The following VAV2 variants were observed in gnomAD, a reference collection of about 807,000 sequenced individuals.
The protein encoded by VAV2 is vav guanine nucleotide exchange factor 2.
VAV2 carries 67 observed loss-of-function variants against 132.5 expected under a neutral mutation model. The ratio of observed to expected loss-of-function variants is 0.51; its 90% CI spans 0.42 to 0.62. The LOEUF is 0.62. VAV2 is among the 20% of genes least tolerant of loss of function. The probability of loss-of-function intolerance (pLI) is 0.00; values close to 1 mark genes in which losing one functional copy is unlikely to be tolerated. For missense variants in VAV2, 938 were observed against 1,153.6 expected, an observed-to-expected ratio of 0.81 and a Z score of 2.71; for synonymous variants, 492 against 443.5, an observed-to-expected ratio of 1.11 and a Z score of -1.37.
chr9:133,769,383 C>A lies in VAV2; in HGVS notation c.2434+34G>T, dbSNP rs745621929. 16 of 1,585,308 alleles carry A rather than the reference C, an allele frequency of 1.0e-5. 1 individual carries two copies. The South Asian group carries it at 1.7e-4, about 17-fold the overall frequency. ...GGTCTCCCAAGGCAGCTGCCACAGG[C>A]CCGGTCCCCCCACGCCCTGGGGAGC... is the stretch of plus-strand genomic sequence containing the variant. On this transcript the variant is annotated intron_variant, in intron 28 of 29. Transcript: ENST00000371850. The surrounding 1 kb of genome is among the most constrained non-coding windows in gnomAD (Gnocchi z 8.1).
At position 133,802,323 on chromosome 9, in the gene VAV2, T is replaced by TACACACACACACACACAC. The variant is rs58155949; in HGVS notation, c.836+3740_836+3757dup. 1.2e-3 allele frequency among the ~76,000 whole-genome samples: 165 copies of TACACACACACACACACAC among 142,200 alleles called. 1 individual carries two copies. The highest frequency in any genetic ancestry group is 2.7e-3 in the South Asian group (11 of 4,054). The allele number at this position is 142,200 out of a possible 152,430, so 93.3% of individuals were successfully genotyped here. On this transcript the variant is annotated intron_variant, in intron 9 of 29. Transcript: ENST00000371850. This position sits in a 1 kb window ranked among gnomAD's most constrained non-coding sequence, Gnocchi z 5.8. ...GCACACAAACACACAAGCACGCGTG[T>TACACACACACACACACAC]ACACACACACACACACACACACACA...
rs1293060559 is a variant in VAV2, at chr9:133,840,868, G to T, written c.381-6528C>A. On this transcript the variant is annotated intron_variant, in intron 3 of 29. Coordinates refer to ENST00000371850, the MANE Select transcript of VAV2 (RefSeq NM_001134398.2). The surrounding 1 kb of genome is among the most constrained non-coding windows in gnomAD (Gnocchi z 4.5). Reference sequence around the variant, plus strand: ...TGTGCCACTCACTGTGCCTACAGCTGCATGGTGGCCCCACAGTCCAGAGGG... The same window carrying T: ...TGTGCCACTCACTGTGCCTACAGCTTCATGGTGGCCCCACAGTCCAGAGGG... Among the ~76,000 whole-genome samples, 5 of 152,184 alleles carry T rather than the reference G, an allele frequency of 3.3e-5. No individual in the cohort carries two copies. The highest frequency in any genetic ancestry group is 7.3e-5 in the Non-Finnish European group (5 of 68,030).
At chr9:133,978,852 C>T (rs425850) in intron 1 of VAV2, among the ~76,000 whole-genome samples, 41,374 of 152,204 alleles carry the variant, frequency 0.27, 6,312 homozygotes, top group Middle Eastern at 0.38. Flanking sequence ...AAACAGCGTC[C>T]CCAGCTCCAG....
Position 133,807,244 on chromosome 9 carries a change from GC to G in VAV2, c.735+13del. On this transcript the variant is annotated intron_variant, in intron 8 of 29. Coordinates refer to ENST00000371850, the MANE Select transcript of VAV2 (RefSeq NM_001134398.2). ...CCCGAGCCTGGCATGAGCGATGGGG[GC>G]CGGGACCCTTACCTCCAGGTTAATG... 1 of 1,608,122 alleles carries G rather than the reference GC, an allele frequency of 6.2e-7. No homozygotes were observed. Among genetic ancestry groups the G allele is most frequent in the Non-Finnish European group, 8.5e-7 (1 of 1,178,348 alleles).
chr9:133,905,479 G>A (rs1192675021), intron 2 of VAV2, among the ~76,000 whole-genome samples: 1 of 151,148 alleles, frequency 6.6e-6, no homozygotes. Context: ...CAGCAGCTCT[G>A]GGTCAGGGAG....
intron 2 of VAV2, among the ~76,000 whole-genome samples, chr9:133,875,373 G>C (rs1268141547): frequency 1.3e-5 from 2 of 152,230 alleles, no homozygotes; most frequent in Non-Finnish European, 2.9e-5. Context: ...CAGCTGATGG[G>C]AACAGGCCAC....
At chr9:133,981,525 G>C (rs1053551151) in intron 1 of VAV2, among the ~76,000 whole-genome samples, 1 of 152,232 alleles carries the variant, frequency 6.6e-6, no homozygotes, top group Non-Finnish European at 1.5e-5. Context: ...GTGAGCCGCC[G>C]GGCTCGGGGT....
chr9:133,871,686 G>C (rs917191956), intron 2 of VAV2, among the ~76,000 whole-genome samples: 3 of 152,114 alleles, frequency 2.0e-5, no homozygotes, highest in African/African-American at 7.2e-5. Flanking sequence ...CTAATGGTGG[G>C]GGGTCCCAAC....
At chr9:133,951,669 C>T (rs1288507050) in intron 1 of VAV2, among the ~76,000 whole-genome samples, 1 of 152,160 alleles carries the variant, frequency 6.6e-6, no homozygotes, top group Non-Finnish European at 1.5e-5. Context: ...GTCATACCCA[C>T]AGCAGCTGAC....
rs10538806 is a variant in VAV2, at chr9:133,900,766, G to GATTTATTTATTTATTT, written c.321+38321_321+38336dup. The stretch of plus-strand genomic sequence containing the variant: ...AATTAATCAATCTACCTCCTGTCTT[G>GATTTATTTATTTATTT]ATTTATTTATTTATTTATTTATTTA... On this transcript the variant is annotated intron_variant, in intron 2 of 29. Transcript: ENST00000371850. 1.4e-5 allele frequency among the ~76,000 whole-genome samples: 2 copies of GATTTATTTATTTATTT among 145,488 alleles called. 1 individual carries two copies. The highest frequency in any genetic ancestry group is 5.1e-5 in the African/African-American group (2 of 38,894).
At chr9:133,773,995 G>A (rs147111881) in intron 25 of VAV2, among the ~76,000 whole-genome samples, 22 of 152,084 alleles carry the variant, frequency 1.4e-4, no homozygotes, top group Non-Finnish European at 3.2e-4. Context: ...ATAATCTTAC[G>A]GGACCACCAC....
At chr9:133,864,373 C>A (rs545188083) in intron 2 of VAV2, among the ~76,000 whole-genome samples, 2 of 152,202 alleles carry the variant, frequency 1.3e-5, no homozygotes, top group Non-Finnish European at 2.9e-5. Flanking sequence ...CATTCACCAA[C>A]GTCCAGGCCT....
rs899791748 is a variant in VAV2 at position 133,834,699 on chromosome 9, T to C, written c.381-359A>G. Among the ~76,000 whole-genome samples, 2 of 151,974 alleles carry C rather than the reference T, an allele frequency of 1.3e-5. No homozygotes were observed. The highest frequency in any genetic ancestry group is 3.9e-4 in the East Asian group (2 of 5,176). Reference sequence around the variant, plus strand: ...TACCCACCCTCCCACTTCCAGGGGGTTCACAGTGGAGATGAGGCTCCTCGC... The same window carrying C: ...TACCCACCCTCCCACTTCCAGGGGGCTCACAGTGGAGATGAGGCTCCTCGC... On this transcript the variant is annotated intron_variant, in intron 3 of 29. Transcript: ENST00000371850. This position sits in a 1 kb window ranked among gnomAD's most constrained non-coding sequence, Gnocchi z 5.9.
chr9:133,849,244 G>A (rs1440549859), intron 3 of VAV2, among the ~76,000 whole-genome samples: 1 of 152,186 alleles, frequency 6.6e-6, no homozygotes, highest in Non-Finnish European at 1.5e-5. Context: ...CACTGGGAAG[G>A]AGGAGGCCAC....
intron 2 of VAV2, among the ~76,000 whole-genome samples, chr9:133,878,101 C>A (rs1038354924): frequency 2.0e-5 from 3 of 152,150 alleles, no homozygotes; most frequent in African/African-American, 7.2e-5. Flanking sequence ...GCTCAGCAGG[C>A]GAAGTCTCTT....
At chr9:133,848,279 CAAAAAAAA>C (rs34908811) in intron 3 of VAV2, among the ~76,000 whole-genome samples, 25 of 48,626 alleles carry the variant, frequency 5.1e-4, no homozygotes, top group Admixed American at 1.4e-3. Context: ...GACTCCGTCT[CAAAAAAAA>C]AAAAAAAAAA....
intron 2 of VAV2, among the ~76,000 whole-genome samples, chr9:133,896,242 G>T (rs1295702462): frequency 1.3e-5 from 2 of 152,174 alleles, no homozygotes; most frequent in Non-Finnish European, 2.9e-5. Context: ...ATCACTTGAG[G>T]TCAGGAGTTC....
intron 2 of VAV2, among the ~76,000 whole-genome samples, chr9:133,886,878 G>A (rs1343961174): frequency 6.6e-6 from 1 of 152,248 alleles, no homozygotes; most frequent in Non-Finnish European, 1.5e-5. Context: ...CTTGGGGCAG[G>A]TGGACAGGAA....
At chr9:133,874,847 C>T (rs1178444701) in intron 2 of VAV2, among the ~76,000 whole-genome samples, 1 of 152,210 alleles carries the variant, frequency 6.6e-6, no homozygotes, top group Admixed American at 6.5e-5. Flanking sequence ...GCAGACTGTC[C>T]AGGCAGGAAG....
Sources: gnomAD v4.1 joint callset for allele counts (sites outside exome capture counted in the v4.1 genomes callset) on GRCh38, gnomAD v4.1.1 for gene constraint, Gnocchi (gnomAD v3.1) non-coding constraint, MANE v1.5 for transcripts, NCBI Gene and HGNC (gene_info 2026-07-23, HGNC 2026-07-21) for gene names.